The following CACNA1H variants were observed in gnomAD, a reference collection of about 807,000 sequenced individuals.
The protein encoded by CACNA1H is voltage-dependent T-type calcium channel subunit alpha-1H.
Under a neutral mutation model 192.5 loss-of-function variants are expected in CACNA1H, and 149 were observed. The observed-to-expected ratio is 0.77, with a 90% CI of 0.68 to 0.89. CACNA1H has a LOEUF of 0.89. Ranked by LOEUF, CACNA1H falls within the 40% of genes least tolerant of loss-of-function variation. The probability of loss-of-function intolerance (pLI) is 0.00; values close to 1 mark genes in which losing one functional copy is unlikely to be tolerated. For synonymous variants in CACNA1H, 2,202 were observed against 1,475.2 expected, an observed-to-expected ratio of 1.49 and a Z score of -11.29; for missense variants, 4,257 against 3,423.5, an observed-to-expected ratio of 1.24 and a Z score of -6.08.
Position 1,205,161 on chromosome 16 carries a change from C to G in CACNA1H, c.2499C>G (p.Thr833=), listed in dbSNP as rs1567523080. 1 of 1,613,024 alleles carries G rather than the reference C, an allele frequency of 6.2e-7. No homozygotes were observed. Among genetic ancestry groups the G allele is most frequent in the Non-Finnish European group, 8.5e-7 (1 of 1,179,776 alleles). Residue 833 remains threonine (T), a synonymous_variant, in exon 11 of 35, where the codon ACC becomes ACG. Transcript: ENST00000348261. ...TGGAGATCAGCAACATCGTGTTCACCAGCATGTTTGCCCTGGAGATGCTGC... is the reference window on the plus strand; with the variant it reads ...TGGAGATCAGCAACATCGTGTTCACGAGCATGTTTGCCCTGGAGATGCTGC... ...NALEISNIVF[T]SMFALEMLLK...
At chr16:1,166,362 C>G (rs371590110) in intron 2 of CACNA1H, among the ~76,000 whole-genome samples, 1 of 152,216 alleles carries the variant, frequency 6.6e-6, no homozygotes, top group South Asian at 2.1e-4. Flanking sequence ...CCCTGAATCC[C>G]GGCCCCTGCC....
chr16:1,156,146 C>T (rs1350420880), intron 2 of CACNA1H, among the ~76,000 whole-genome samples: 2 of 152,174 alleles, frequency 1.3e-5, no homozygotes, highest in Non-Finnish European at 2.9e-5. Flanking sequence ...CGGCAGGACC[C>T]CCCACCCTCC....
At position 1,153,870 on chromosome 16, in the gene CACNA1H, G is replaced by C; in HGVS notation, c.133G>C (p.Glu45Gln). 1 of 1,398,688 alleles carries C rather than the reference G, an allele frequency of 7.1e-7. No homozygotes were observed. 86.6% of individuals were successfully genotyped at this position (1,398,688 alleles called of 1,614,324 possible). A position where few individuals can be genotyped will look rare whatever the true frequency, so the allele number is the denominator to read the frequency against. ...APGREAERGS[E>Q]LGVSPSESPA... ...GGGACGCGAGGCGGAGCGGGGGTCC[G>C]AGCTCGGCGTGTCACCCTCCGAGAG... Residue 45 changes from glutamate to glutamine, a missense_variant, in exon 2 of 35, where the codon GAG becomes CAG. Coordinates refer to ENST00000348261, the MANE Select transcript of CACNA1H (RefSeq NM_021098.3).
Position 1,218,452 on chromosome 16 carries a change from G to A in CACNA1H, c.5688G>A (p.Ala1896=), listed in dbSNP as rs58835716. ...QGPGSARRVD[A]DRPPLPQESP... ...CCGGGAGTGCACGCCGGGTGGACGC[G>A]GACAGGCCTCCCTTGCCCCAGGAGA... Residue 1896 remains alanine, a synonymous_variant, in exon 33 of 35, where the codon GCG becomes GCA. Coordinates refer to ENST00000348261, the MANE Select transcript of CACNA1H (RefSeq NM_021098.3). 46 of 1,551,670 alleles carry A rather than the reference G, an allele frequency of 3.0e-5. No homozygotes were observed. Among genetic ancestry groups the A allele is most frequent in the African/African-American group, 6.8e-5 (5 of 73,118 alleles).
In CACNA1H at chr16:1,200,447, C is replaced by T. The variant is rs1438727143; in HGVS notation, c.995C>T (p.Ala332Val). Residue 332 changes from alanine (A) to valine (V), a missense_variant, in exon 7 of 35, where the codon GCT becomes GTT. Physicochemically the swap from Ala to Val is moderately conservative, Grantham distance 64 (BLOSUM62 0). Transcript: ENST00000348261. ...YTQPQAEGVG[A>V]ARNACINWNQ... Reference sequence around the variant, plus strand: ...CAGCCGCAGGCCGAGGGGGTGGGCGCTGCACGCAACGCCTGCATCAACTGG... The same window carrying T: ...CAGCCGCAGGCCGAGGGGGTGGGCGTTGCACGCAACGCCTGCATCAACTGG... 2 of 1,611,334 alleles carry T rather than the reference C, an allele frequency of 1.2e-6. No individual in the cohort carries two copies. Among genetic ancestry groups the T allele is most frequent in the African/African-American group, 1.3e-5 (1 of 75,032 alleles).
rs116250967 is a variant in CACNA1H at position 1,202,616 on chromosome 16, G to C, written c.2002+164G>C. Among the ~76,000 whole-genome samples, 559 of 152,308 alleles carry C rather than the reference G, an allele frequency of 3.7e-3. 3 individuals are homozygous for C. Among genetic ancestry groups the C allele is most frequent in the African/African-American group, 0.013 (531 of 41,568 alleles). On this transcript the variant is annotated intron_variant, in intron 9 of 34. Transcript: ENST00000348261. ...CTCTGGAGCCCATAAGAAGGGGAAA[G>C]AGGCAGGTCCCGCCCCTGACAGCGC...
chr16:1,200,664 G>A (rs1264193196), intron 7 of CACNA1H, 52 bp from the exon 8 acceptor site: 2 of 1,576,282 alleles, frequency 1.3e-6, no homozygotes, highest in Non-Finnish European at 1.7e-6. Context: ...CAGGGGCACG[G>A]GGAGGAGGAG....
At chr16:1,194,107 G>A (rs1334064543) in intron 2 of CACNA1H, among the ~76,000 whole-genome samples, 4 of 150,918 alleles carry the variant, frequency 2.7e-5, no homozygotes, top group Non-Finnish European at 4.4e-5. Context: ...GCGCCAGGTG[G>A]GTGCTGGGAA....
intron 30 of CACNA1H, among the ~76,000 whole-genome samples, chr16:1,215,993 G>T (rs1253502288): frequency 1.3e-5 from 2 of 152,022 alleles, no homozygotes; most frequent in East Asian, 1.9e-4. Context: ...CAGCCTCCCT[G>T]CTTCCTGTGC....
In CACNA1H at chr16:1,200,333, G is replaced by A. The variant is rs371605781; in HGVS notation, c.881G>A (p.Arg294His). The change falls in exon 7 of 35, where the codon CGC (arginine) becomes CAC (histidine). Residue 294 changes from arginine to histidine, a missense_variant. Transcript: ENST00000348261. ...GEENPFICSSRRDNGMQKCSH... is the reference protein window; with the variant it reads ...GEENPFICSSHRDNGMQKCSH... Reference sequence around the variant, plus strand: ...GAGAACCCGTTCATCTGCTCCTCACGCCGAGACAACGGCATGCAGAAGTGC... The same window carrying A: ...GAGAACCCGTTCATCTGCTCCTCACACCGAGACAACGGCATGCAGAAGTGC... 28 of 1,603,614 alleles carry A rather than the reference G, an allele frequency of 1.7e-5. No homozygotes were observed. Among genetic ancestry groups the A allele is most frequent in the African/African-American group, 5.3e-5 (4 of 74,822 alleles).
intron 9 of CACNA1H, among the ~76,000 whole-genome samples, chr16:1,203,090 G>C (rs1006935397): frequency 1.3e-5 from 2 of 152,156 alleles, no homozygotes; most frequent in African/African-American, 4.8e-5. Flanking sequence ...CCGTGGTGGG[G>C]AGAGGTGCGA....
In CACNA1H at chr16:1,185,500, G is replaced by GC. The variant is rs772704160; in HGVS notation, c.300-9472_300-9471insC. ...CCACATGGACGCTGCCATCTGCAGA[G>GC]TCCCCCCCCCCGCCGAGTCTGCTTT... is the stretch of plus-strand genomic sequence containing the variant. On this transcript the variant is annotated intron_variant, in intron 2 of 34. Coordinates refer to ENST00000348261, the MANE Select transcript of CACNA1H (RefSeq NM_021098.3). Among the ~76,000 whole-genome samples the GC allele has an allele frequency of 3.7e-3, 517 of 140,568 alleles. 14 individuals carry two copies. Among genetic ancestry groups the GC allele is most frequent in the African/African-American group, 0.014 (490 of 34,366 alleles). The allele number at this position is 140,568 out of a possible 152,430, so 92.2% of individuals were successfully genotyped here. A position where few individuals can be genotyped will look rare whatever the true frequency, so the allele number is the denominator to read the frequency against.
rs756129030 is a variant in CACNA1H at position 1,216,960 on chromosome 16, T to C, written c.5273T>C (p.Leu1758Pro). The change falls in exon 31 of 35, where the codon CTC becomes CCC. Residue 1758 changes from leucine to proline, a missense_variant. Transcript: ENST00000348261. ...GGGAACCTGGGCCTTCTTTTCATGCTCCTGTTTTTTATCTATGCTGCGCTG... is the reference window on the plus strand; with the variant it reads ...GGGAACCTGGGCCTTCTTTTCATGCCCCTGTTTTTTATCTATGCTGCGCTG... ...QVGNLGLLFM[L>P]LFFIYAALGV... The C allele has an allele frequency of 6.2e-7, 1 of 1,605,322 alleles. No homozygotes were observed. The highest frequency in any genetic ancestry group is 8.5e-7 in the Non-Finnish European group (1 of 1,176,132).
chr16:1,203,921 C>G (rs752814122), intron 9 of CACNA1H, 89 bp from the exon 10 acceptor site: 24 of 934,842 alleles, frequency 2.6e-5, no homozygotes, highest in Middle Eastern at 3.3e-4. Context: ...GGGACACATT[C>G]ACCCCACCGC....
At chr16:1,210,534 C>T (rs772927741) in intron 19 of CACNA1H, 41 bp downstream of exon 19, 3 of 1,610,706 alleles carry the variant, frequency 1.9e-6, no homozygotes, top group Admixed American at 3.3e-5. Context: ...ACCACGACCC[C>T]CAGGGAGGGG....
At chr16:1,199,221 A>AC (rs1339320307) in intron 6 of CACNA1H, among the ~76,000 whole-genome samples, 8 of 7,140 alleles carry the variant, frequency 1.1e-3, no homozygotes, top group Non-Finnish European at 1.5e-3. Context: ...CATATGCCCC[A>AC]CCCCCATCAT....
At chr16:1,203,562 A>G (rs1162070767) in intron 9 of CACNA1H, among the ~76,000 whole-genome samples, 1 of 152,126 alleles carries the variant, frequency 6.6e-6, no homozygotes, top group Non-Finnish European at 1.5e-5. Flanking sequence ...GTACCCACGA[A>G]CTAGTGGGTT....
chr16:1,161,366 C>T (rs1191461251), intron 2 of CACNA1H, among the ~76,000 whole-genome samples: 1 of 152,232 alleles, frequency 6.6e-6, no homozygotes, highest in Non-Finnish European at 1.5e-5. Context: ...CCCCTTCTCC[C>T]CTCCCCAGCT....
Position 1,221,611 on chromosome 16 carries a change from T to C in CACNA1H, c.*617T>C, listed in dbSNP as rs766988792. ...GCCCCGATGCGAATCAGGCCTCCCCTACATCTGGGGGCGTTGGCCGCGAGA... is the reference window on the plus strand; with the variant it reads ...GCCCCGATGCGAATCAGGCCTCCCCCACATCTGGGGGCGTTGGCCGCGAGA... On this transcript the variant is annotated 3_prime_UTR_variant, in exon 35 of 35. Transcript: ENST00000348261. The C allele has an allele frequency of 4.3e-6, 3 of 705,380 alleles. No homozygotes were observed. Among genetic ancestry groups the C allele is most frequent in the Non-Finnish European group, 6.8e-6 (3 of 439,372 alleles). 43.7% of individuals were successfully genotyped at this position (705,380 alleles called of 1,614,324 possible).
Sources: gnomAD v4.1 joint callset for allele counts (sites outside exome capture counted in the v4.1 genomes callset) on GRCh38, gnomAD v4.1.1 for gene constraint, MANE v1.5 for transcripts, NCBI Gene and HGNC (gene_info 2026-07-23, HGNC 2026-07-21) for gene names.